Variants in OXNAD1 observed in about 807,000 individuals in gnomAD.
OXNAD1 encodes the protein oxidoreductase NAD-binding domain-containing protein 1.
Under a neutral mutation model 32.9 loss-of-function variants are expected in OXNAD1, and 34 were observed. The ratio of observed to expected loss-of-function variants is 1.03; its 90% confidence interval spans 0.79 to 1.38. The LOEUF (loss-of-function observed/expected upper bound fraction) is 1.38, where lower values mean the gene tolerates loss of function less well. OXNAD1 is among the 40% of genes most tolerant of loss of function. The pLI is 0.00. For missense variants in OXNAD1, 407 were observed against 379.4 expected (o/e 1.07, Z -0.60); for synonymous variants, 134 against 135.2 (o/e 0.99, Z 0.06).
chr3:16,343,454 C>G (rs2071441301), intron 9 of OXNAD1, among the ~76,000 whole-genome samples: 1 of 152,206 alleles, frequency 6.6e-6, no homozygotes, highest in Non-Finnish European at 1.5e-5. Context: ...TTTTCCTCCT[C>G]CAAGATAAAC....
chr3:16,343,688 T>C (rs1395037856), intron 9 of OXNAD1, among the ~76,000 whole-genome samples: 12 of 152,238 alleles, frequency 7.9e-5, no homozygotes, highest in Non-Finnish European at 1.8e-4. Flanking sequence ...GCTAACCTCA[T>C]ATTATCCAAT....
intron 5 of OXNAD1, among the ~76,000 whole-genome samples, chr3:16,294,206 T>C (rs1306500252): frequency 3.3e-5 from 5 of 151,992 alleles, no homozygotes; most frequent in African/African-American, 7.2e-5. Flanking sequence ...GCCTTTCTTT[T>C]TTTTTTTTTT....
downstream of OXNAD1, among the ~76,000 whole-genome samples, chr3:16,309,168 T>G (rs1234489364): frequency 6.6e-6 from 1 of 152,230 alleles, no homozygotes; most frequent in Non-Finnish European, 1.5e-5. Context: ...AAATTCTTGC[T>G]ATATACCATA....
intron 4 of OXNAD1, chr3:16,274,985 TC>T (rs1204700230): frequency 6.6e-6 from 1 of 152,216 alleles, no homozygotes; most frequent in Non-Finnish European, 1.5e-5. Flanking sequence ...AGGAAAAAGT[TC>T]CCTTTACATA....
chr3:16,333,735 G>A (rs886449710), intron 9 of OXNAD1, among the ~76,000 whole-genome samples: 2 of 151,974 alleles, frequency 1.3e-5, no homozygotes, highest in African/African-American at 4.8e-5. Flanking sequence ...AGAAAAAAAA[G>A]GGCTTGTAAA....
At chr3:16,300,136 C>T (rs562721232) in intron 6 of OXNAD1, among the ~76,000 whole-genome samples, 1 of 152,284 alleles carries the variant, frequency 6.6e-6, no homozygotes, top group Non-Finnish European at 1.5e-5. Flanking sequence ...CCAACTCGGT[C>T]AGATCCAATG....
At chr3:16,340,368 T>G (rs2071239574), downstream of OXNAD1, among the ~76,000 whole-genome samples, 1 of 152,222 alleles carries the variant, frequency 6.6e-6, no homozygotes, top group Admixed American at 6.5e-5. Context: ...TACTGAATGT[T>G]AAGATACACA....
intron 4 of OXNAD1, chr3:16,276,569 A>G (rs2065344060): frequency 6.1e-6 from 1 of 163,418 alleles, no homozygotes. Context: ...ATTTAGAGGA[A>G]ATGGGTAAAA....
At position 16,289,869 on chromosome 3, in the gene OXNAD1, T is replaced by G. The variant is rs1007303605; in HGVS notation, c.290+3421T>G. ...TTTTATCATTGCCCATTTAATTGTA[T>G]GTATTTGTTAATTTTCCTCCTCTTA... On this transcript the variant is annotated intron_variant, in intron 5 of 8. Transcript: ENST00000285083. This position sits in a 1 kb window ranked among gnomAD's most constrained non-coding sequence, Gnocchi z 4.9. Among the ~76,000 whole-genome samples the G allele has an allele frequency of 1.3e-5, 2 of 152,220 alleles. No homozygotes were observed. The highest frequency in any genetic ancestry group is 4.8e-5 in the African/African-American group (2 of 41,454).
intron 9 of OXNAD1, among the ~76,000 whole-genome samples, chr3:16,324,515 G>T (rs1206877544): frequency 6.6e-6 from 1 of 151,842 alleles, no homozygotes; most frequent in East Asian, 1.9e-4. Flanking sequence ...TTCCACGTAT[G>T]AGAGAGATTA....
At chr3:16,300,582 C>T (rs1330581052) in intron 6 of OXNAD1, among the ~76,000 whole-genome samples, 1 of 152,232 alleles carries the variant, frequency 6.6e-6, no homozygotes, top group Non-Finnish European at 1.5e-5. Flanking sequence ...ACAAGAACGT[C>T]TTTTGGGCCA....
In OXNAD1 at chr3:16,327,402, T is replaced by C. The variant is rs1358522902; in HGVS notation, c.*31-9710T>C. ...ATGTGCCCTGCCTTGCAGGGATAAA[T>C]GAATGCTGCCATGTTTTATTTCAAA... On this transcript the variant is annotated intron_variant, in intron 9 of 9. Coordinates refer to the OXNAD1 transcript ENST00000435829. This position sits in a 1 kb window ranked among gnomAD's most constrained non-coding sequence, Gnocchi z 4.2. 1.3e-5 allele frequency among the ~76,000 whole-genome samples: 2 copies of C among 152,200 alleles called. No homozygotes were observed. The highest frequency in any genetic ancestry group is 2.9e-5 in the Non-Finnish European group (2 of 68,028).
chr3:16,319,635 A>G (rs778045936), intron 9 of OXNAD1, among the ~76,000 whole-genome samples: 10 of 152,214 alleles, frequency 6.6e-5, no homozygotes, highest in Non-Finnish European at 1.0e-4. Flanking sequence ...GAGCTTCCAT[A>G]GTTTCCCCTG....
rs1257718574 is a variant in OXNAD1 at position 16,270,998 on chromosome 3, G to T, written c.46G>T (p.Val16Phe). The T allele has an allele frequency of 6.2e-7, 1 of 1,614,196 alleles. No individual in the cohort carries two copies. The highest frequency in any genetic ancestry group is 1.7e-5 in the Admixed American group (1 of 60,026). Residue 16 changes from valine (V) to phenylalanine (F), a missense_variant, in exon 3 of 9, where the codon GTT becomes TTT. Transcript: ENST00000285083. ...VMIPGLLRCS[V>F]GAIRIEAASL... ...GATTCCTGGGTTGTTGCGGTGCTCT[G>T]TTGGAGCCATCCGTATTGAGGCTGC...
In OXNAD1 at chr3:16,321,719, T is replaced by C. The variant is rs950550424; in HGVS notation, c.*31-15393T>C. Among the ~76,000 whole-genome samples the C allele has an allele frequency of 2.0e-5, 3 of 152,162 alleles. No individual in the cohort carries two copies. The highest frequency in any genetic ancestry group is 4.4e-5 in the Non-Finnish European group (3 of 68,000). The stretch of plus-strand genomic sequence containing the variant: ...TTAGGTACATGGAAAGAGAAAGCAG[T>C]CCACCCAGATGAGTACAGCTGCTTG... On this transcript the variant is annotated intron_variant, in intron 9 of 9. Transcript: ENST00000435829. This position sits in a 1 kb window ranked among gnomAD's most constrained non-coding sequence, Gnocchi z 4.8.
rs1232402422 is a variant in OXNAD1, at chr3:16,348,424, C to T, written c.*31-752C>T. Among the ~76,000 whole-genome samples, 1 of 152,186 alleles carries T rather than the reference C, an allele frequency of 6.6e-6. No individual in the cohort carries two copies. Among genetic ancestry groups the T allele is most frequent in the Non-Finnish European group, 1.5e-5 (1 of 68,032 alleles). Reference sequence around the variant, plus strand: ...TGGCCTCTGCTCCTGTCACTTCCCACAGCAGGAAGCCCCCACACTCAATTC... The same window carrying T: ...TGGCCTCTGCTCCTGTCACTTCCCATAGCAGGAAGCCCCCACACTCAATTC... On this transcript the variant is annotated intron_variant, in intron 9 of 9. Coordinates refer to the OXNAD1 transcript ENST00000606098. The surrounding 1 kb of genome is among the most constrained non-coding windows in gnomAD (Gnocchi z 6.3).
Position 16,265,967 on chromosome 3 carries a change from T to G in OXNAD1, c.-159+462T>G, listed in dbSNP as rs971015178. ...GAAATGCAGATAAAAGGCATTTTTG[T>G]CTTGAAAGCAGTGCTAGTGCCTGTT... is the stretch of plus-strand genomic sequence containing the variant. On this transcript the variant is annotated intron_variant, in intron 1 of 8. Coordinates refer to ENST00000285083, the MANE Select transcript of OXNAD1 (RefSeq NM_138381.5). This position sits in a 1 kb window ranked among gnomAD's most constrained non-coding sequence, Gnocchi z 4.8. The G allele has an allele frequency of 1.1e-6, 1 of 929,584 alleles. No homozygotes were observed. Among genetic ancestry groups the G allele is most frequent in the Non-Finnish European group, 1.3e-6 (1 of 779,100 alleles). 57.6% of individuals were successfully genotyped at this position (929,584 alleles called of 1,614,324 possible). A position where few individuals can be genotyped will look rare whatever the true frequency, so the allele number is the denominator to read the frequency against.
chr3:16,270,872 A>G, intron 2 of OXNAD1, 73 bp from the exon 3 acceptor site: 1 of 1,589,954 alleles, frequency 6.3e-7, no homozygotes. Context: ...TTCCTCACTG[A>G]CCCTCTAAAA....
In OXNAD1 at chr3:16,312,097, C is replaced by T. The variant is rs888319536; in HGVS notation, c.*30+8505C>T. On this transcript the variant is annotated intron_variant, in intron 9 of 9. Transcript: ENST00000435829. The surrounding 1 kb of genome is among the most constrained non-coding windows in gnomAD (Gnocchi z 4.7). The stretch of plus-strand genomic sequence containing the variant: ...GAGCCATTCATCTGCAGCCAGGGTT[C>T]ATTTTCTTAGTCTAGCCACTGAAAC... Among the ~76,000 whole-genome samples, 1 of 152,192 alleles carries T rather than the reference C, an allele frequency of 6.6e-6. No individual in the cohort carries two copies. Among genetic ancestry groups the T allele is most frequent in the Non-Finnish European group, 1.5e-5 (1 of 68,038 alleles).
Sources: allele counts gnomAD v4.1 joint callset (sites outside exome capture counted in the v4.1 genomes callset), GRCh38; gene constraint gnomAD v4.1.1; non-coding constraint Gnocchi (gnomAD v3.1); transcripts MANE v1.5; gene names NCBI Gene and HGNC (gene_info 2026-07-23, HGNC 2026-07-21).